MGAT4C: variants seen among roughly 807,000 people sequenced by gnomAD.
MGAT4C encodes the protein alpha-1,3-mannosyl-glycoprotein 4-beta-N-acetylglucosaminyltransferase C.
A neutral mutation model predicts 40.1 loss-of-function variants in MGAT4C; 19 were observed. That is an observed-to-expected ratio of 0.47 (90% CI 0.33 to 0.70). MGAT4C has a LOEUF of 0.70. Among genes scored for constraint, MGAT4C ranks in the 30% least tolerant of loss-of-function variants. The probability of loss-of-function intolerance (pLI) is 0.02; values close to 1 mark genes in which losing one functional copy is unlikely to be tolerated. For missense variants in MGAT4C, 491 were observed against 563.2 expected (o/e 0.87, Z 1.30); for synonymous variants, 181 against 187.1 (o/e 0.97, Z 0.27).
chr12:86,432,380 A>ATT, intron 3 of MGAT4C, among the ~76,000 whole-genome samples: 2 of 152,198 alleles, frequency 1.3e-5, no homozygotes, highest in South Asian at 4.1e-4. Context: ...CCAGCCAAAT[A>ATT]TTGGTAGAGA....
At position 86,586,953 on chromosome 12, in the gene MGAT4C, T is replaced by A. The variant is rs554405835; in HGVS notation, c.-229+140256A>T. ...TTTTGCTGTGCAGAAGCTCTTTAGT[T>A]TAATTAGATCTCATTTGTCAATGTT... On this transcript the variant is annotated intron_variant, in intron 2 of 7. Transcript: ENST00000548651. Among the ~76,000 whole-genome samples, 31 of 152,250 alleles carry A rather than the reference T, an allele frequency of 2.0e-4. No homozygotes were observed. The East Asian group carries it at 5.6e-3, about 28-fold the overall frequency.
chr12:86,486,217 C>T (rs559178961), intron 2 of MGAT4C, among the ~76,000 whole-genome samples: 46 of 152,104 alleles, frequency 3.0e-4, no homozygotes, highest in African/African-American at 1.1e-3. Context: ...ATCAATACTA[C>T]CCTGGAACGT....
chr12:86,367,487 C>T (rs574504037), intron 3 of MGAT4C, among the ~76,000 whole-genome samples: 27 of 152,160 alleles, frequency 1.8e-4, no homozygotes, highest in Non-Finnish European at 3.1e-4. Context: ...CTGAATGCTT[C>T]AACCCTGAAT....
chr12:86,023,579 T>C (rs1466507335), intron 2 of MGAT4C, among the ~76,000 whole-genome samples: 2 of 147,034 alleles, frequency 1.4e-5, no homozygotes, highest in East Asian at 3.9e-4. Context: ...TCACGAAATA[T>C]ATTATATATA....
intron 2 of MGAT4C, among the ~76,000 whole-genome samples, chr12:86,477,263 G>A (rs1466087624): frequency 6.6e-6 from 1 of 151,776 alleles, no homozygotes; most frequent in Admixed American, 6.6e-5. Context: ...TATTTGCAGT[G>A]ACATGAATGA....
At chr12:86,524,497 C>T (rs1958847120) in intron 2 of MGAT4C, among the ~76,000 whole-genome samples, 1 of 152,172 alleles carries the variant, frequency 6.6e-6, no homozygotes, top group African/African-American at 2.4e-5. Context: ...CTGCCTTGAA[C>T]ACTTTTTCTT....
intron 2 of MGAT4C, among the ~76,000 whole-genome samples, chr12:86,020,447 C>A (rs868059188): frequency 2.2e-4 from 34 of 152,180 alleles, no homozygotes; most frequent in Non-Finnish European, 4.1e-4. Context: ...CTGCAACTAT[C>A]TGATCTTTGA....
chr12:86,383,184 A>G (rs1415676802), intron 3 of MGAT4C, among the ~76,000 whole-genome samples: 2 of 152,124 alleles, frequency 1.3e-5, no homozygotes, highest in African/African-American at 4.8e-5. Flanking sequence ...AGGCAGTGGG[A>G]GCCCATCCCC....
At chr12:86,145,434 T>C (rs1883387995) in intron 1 of MGAT4C, among the ~76,000 whole-genome samples, 1 of 152,154 alleles carries the variant, frequency 6.6e-6, no homozygotes, top group South Asian at 2.1e-4. Flanking sequence ...CTAAGCAACA[T>C]AATTACCAAC....
chr12:86,677,920 T>G (rs1949898472), intron 2 of MGAT4C, among the ~76,000 whole-genome samples: 1 of 152,130 alleles, frequency 6.6e-6, no homozygotes, highest in African/African-American at 2.4e-5. Context: ...CCTCTAAAGA[T>G]AGACATTCTC....
intron 1 of MGAT4C, among the ~76,000 whole-genome samples, chr12:86,071,075 A>G (rs2137035802): frequency 6.6e-6 from 1 of 152,200 alleles, no homozygotes; most frequent in Non-Finnish European, 1.5e-5. Flanking sequence ...ATACAGAGGT[A>G]GGCAATGGAC....
intron 2 of MGAT4C, among the ~76,000 whole-genome samples, chr12:86,606,527 G>T (rs1242289960): frequency 6.6e-6 from 1 of 152,122 alleles, no homozygotes; most frequent in East Asian, 1.9e-4. Context: ...ATGTCATTTA[G>T]CTTGTGTGAC....
rs562402945 is a variant in MGAT4C, at chr12:86,420,481, G to A, written c.-120+14676C>T. 5.3e-5 allele frequency among the ~76,000 whole-genome samples: 8 copies of A among 151,930 alleles called. No homozygotes were observed. In the East Asian group the frequency reaches 5.8e-4, roughly 11 times the overall value. ...GACTATTCATTGGTTCTCTAAATTCGCAATATTTACAGTACCATAAAATAG... is the reference window on the plus strand; with the variant it reads ...GACTATTCATTGGTTCTCTAAATTCACAATATTTACAGTACCATAAAATAG... On this transcript the variant is annotated intron_variant, in intron 3 of 7. Coordinates refer to the MGAT4C transcript ENST00000548651.
intron 2 of MGAT4C, among the ~76,000 whole-genome samples, chr12:86,621,601 C>T (rs1962640326): frequency 6.6e-6 from 1 of 152,118 alleles, no homozygotes; most frequent in South Asian, 2.1e-4. Context: ...ACTTCAGCCT[C>T]CTGAGTAGCT....
chr12:86,577,521 C>A (rs1416020605), intron 2 of MGAT4C, among the ~76,000 whole-genome samples: 1 of 151,602 alleles, frequency 6.6e-6, no homozygotes, highest in Non-Finnish European at 1.5e-5. Context: ...CATAAAGGGA[C>A]ATTCTTCAGC....
In MGAT4C at chr12:86,628,398, C is replaced by A. The variant is rs180764572; in HGVS notation, c.-229+98811G>T. 8.7e-3 allele frequency among the ~76,000 whole-genome samples: 1,327 copies of A among 152,138 alleles called. 8 individuals carry two copies. The highest frequency in any genetic ancestry group is 0.017 in the Middle Eastern group (5 of 294). On this transcript the variant is annotated intron_variant, in intron 2 of 7. Transcript: ENST00000548651. ...TCAAATTCAGGAAATACAGAGAACA[C>A]CACAAAGATACTCCTCGAGAAGAGC...
At chr12:86,359,551 T>C (rs555405938) in intron 3 of MGAT4C, among the ~76,000 whole-genome samples, 1 of 152,174 alleles carries the variant, frequency 6.6e-6, no homozygotes, top group Non-Finnish European at 1.5e-5. Context: ...AGCTGGTTTT[T>C]TGAAAAGATC....
At chr12:86,519,118 G>A (rs562257537) in intron 2 of MGAT4C, among the ~76,000 whole-genome samples, 8 of 152,230 alleles carry the variant, frequency 5.3e-5, no homozygotes, top group Admixed American at 5.2e-4. Context: ...CTAGATTGTG[G>A]TAATTGCTCA....
At chr12:86,362,866 CAA>C (rs55701637) in intron 3 of MGAT4C, among the ~76,000 whole-genome samples, 7 of 104,692 alleles carry the variant, frequency 6.7e-5, no homozygotes, top group Admixed American at 1.2e-4. Flanking sequence ...GACTCCATCT[CAA>C]AAAAAAAAAA....
Sources: allele counts gnomAD v4.1 joint callset (sites outside exome capture counted in the v4.1 genomes callset), GRCh38; gene constraint gnomAD v4.1.1; transcripts MANE v1.5; gene names NCBI Gene and HGNC (gene_info 2026-07-23, HGNC 2026-07-21).